The following CSMD1 variants were observed in gnomAD, a reference collection of about 807,000 sequenced individuals.
CSMD1 encodes CUB and Sushi multiple domains 1.
CSMD1 carries 213 observed loss-of-function variants against 417.5 expected under a neutral mutation model. The observed-to-expected ratio is 0.51, with a 90% CI of 0.46 to 0.57. The LOEUF (loss-of-function observed/expected upper bound fraction) is 0.57, where lower values mean the gene tolerates loss of function less well. Ranked by LOEUF, CSMD1 falls within the 20% of genes least tolerant of loss-of-function variation. The pLI, the probability that CSMD1 is intolerant of heterozygous loss-of-function variation, is 0.00. For missense variants in CSMD1, 6,923 were observed against 4,529.7 expected (o/e 1.53, Z -15.17); for synonymous variants, 2,862 against 1,736.8 (o/e 1.65, Z -16.11).
chr8:3,133,135 G>A (rs575344290), intron 41 of CSMD1, among the ~76,000 whole-genome samples: 189 of 152,292 alleles, frequency 1.2e-3, no homozygotes, highest in African/African-American at 4.2e-3. Context: ...AGCGTGGGCC[G>A]GCACACAGCT....
intron 10 of CSMD1, among the ~76,000 whole-genome samples, chr8:3,531,019 ATT>A (rs34239725): frequency 1.3e-4 from 19 of 142,340 alleles, no homozygotes; most frequent in East Asian, 8.4e-4. Context: ...TGCCCAGCTA[ATT>A]TTTTTTTTTT....
rs560256938 is a variant in CSMD1 at position 4,426,833 on chromosome 8, A to G, written c.303-6768T>C. 2.0e-5 allele frequency among the ~76,000 whole-genome samples: 3 copies of G among 150,970 alleles called. No individual in the cohort carries two copies. In the Admixed American group the frequency reaches 2.0e-4, roughly 10 times the overall value. The stretch of plus-strand genomic sequence containing the variant: ...TGTAATATTACATGATACATAGTAT[A>G]CTATATTATGTACTATATTATAGCA... On this transcript the variant is annotated intron_variant, in intron 2 of 69. Transcript: ENST00000635120.
chr8:4,738,764 G>A (rs912966812), intron 1 of CSMD1, among the ~76,000 whole-genome samples: 7 of 152,068 alleles, frequency 4.6e-5, no homozygotes, highest in African/African-American at 1.7e-4. Context: ...TCTGAATACA[G>A]GATTAAGCTT....
At position 4,576,986 on chromosome 8, in the gene CSMD1, G is replaced by A. The variant is rs574862995; in HGVS notation, c.302+60356C>T. 3.0e-4 allele frequency among the ~76,000 whole-genome samples: 45 copies of A among 152,256 alleles called. No individual in the cohort carries two copies. In the South Asian group the frequency reaches 5.8e-3, roughly 20 times the overall value. On this transcript the variant is annotated intron_variant, in intron 2 of 69. Coordinates refer to ENST00000635120, the MANE Select transcript of CSMD1 (RefSeq NM_033225.6). ...AGTTTTCTAATTCGATGAACACAGTGTGATTCTATCTCCATGGTGACAGAT... is the reference window on the plus strand; with the variant it reads ...AGTTTTCTAATTCGATGAACACAGTATGATTCTATCTCCATGGTGACAGAT...
chr8:3,692,272 GCAC>G (rs1452587043), intron 7 of CSMD1, among the ~76,000 whole-genome samples: 6 of 152,008 alleles, frequency 3.9e-5, no homozygotes, highest in Non-Finnish European at 4.4e-5. Context: ...GATTTCACCA[GCAC>G]CACCACAATT....
At chr8:4,383,638 G>A (rs1305321158) in intron 3 of CSMD1, among the ~76,000 whole-genome samples, 2 of 152,136 alleles carry the variant, frequency 1.3e-5, no homozygotes, top group Admixed American at 1.3e-4. Flanking sequence ...AATCAACTAT[G>A]TACTTCAGTG....
chr8:4,033,310 C>T (rs947983274), intron 3 of CSMD1, among the ~76,000 whole-genome samples: 22 of 151,768 alleles, frequency 1.4e-4, no homozygotes, highest in Non-Finnish European at 2.8e-4. Context: ...GGCGTGGTGG[C>T]GGGCACCTGT....
At chr8:3,023,511 T>C (rs1355655430) in intron 51 of CSMD1, among the ~76,000 whole-genome samples, 4 of 152,138 alleles carry the variant, frequency 2.6e-5, no homozygotes, top group Non-Finnish European at 4.4e-5. Flanking sequence ...CTTTCTCTTA[T>C]TGTTTCTTGA....
At position 3,018,576 on chromosome 8, in the gene CSMD1, C is replaced by T. The variant is rs1487879941; in HGVS notation, c.7930G>A (p.Ala2644Thr). ...IGTLTVYGAT[A>T]IFTCNTGYTL... ...TAGCCGGTGTTGCACGTAAATATAG[C>T]TGTGGCCCCATAAACTGTCAACGTT... is the stretch of plus-strand genomic sequence containing the variant. The change falls in exon 52 of 70, where the codon GCT becomes ACT. Residue 2644 changes from alanine (A) to threonine (T), a missense_variant. Coordinates refer to ENST00000635120, the MANE Select transcript of CSMD1 (RefSeq NM_033225.6). 1 of 1,613,476 alleles carries T rather than the reference C, an allele frequency of 6.2e-7. No individual in the cohort carries two copies. Among genetic ancestry groups the T allele is most frequent in the Non-Finnish European group, 8.5e-7 (1 of 1,179,780 alleles).
intron 25 of CSMD1, 189 bp from the exon 26 acceptor site, chr8:3,284,535 G>C (rs1802999719): frequency 3.4e-6 from 2 of 592,320 alleles, no homozygotes; most frequent in Admixed American, 5.7e-5. Flanking sequence ...TGTAAATTAG[G>C]ATAAAGCACA....
chr8:3,230,071 G>T lies in CSMD1; in HGVS notation c.4314C>A (p.Phe1438Leu). 1.9e-6 allele frequency: 3 copies of T among 1,609,732 alleles called. No individual in the cohort carries two copies. The highest frequency in any genetic ancestry group is 8.5e-7 in the Non-Finnish European group (1 of 1,177,864). ...ATGTAGGAGGGTCTGGTTGCCAAAA[G>T]AACCGGTTATTCAGCTGCACACAGG... ...KITCVQLNNR[F>L]FWQPDPPTCI... The change falls in exon 27 of 70, where the codon TTC (phenylalanine) becomes TTA (leucine). Residue 1438 changes from phenylalanine (F) to leucine (L), a missense_variant. Coordinates refer to ENST00000635120, the MANE Select transcript of CSMD1 (RefSeq NM_033225.6).
At chr8:3,549,243 T>G (rs1388908612) in intron 10 of CSMD1, among the ~76,000 whole-genome samples, 2 of 152,232 alleles carry the variant, frequency 1.3e-5, no homozygotes, top group Non-Finnish European at 2.9e-5. Context: ...CTGAAAGGGT[T>G]GTGGAGACCA....
chr8:3,911,546 A>AAG (rs1554483250), intron 5 of CSMD1, among the ~76,000 whole-genome samples: 25 of 151,748 alleles, frequency 1.6e-4, no homozygotes, highest in African/African-American at 4.3e-4. Flanking sequence ...AAAAAAAAAA[A>AAG]AAGAAGAAGA....
At chr8:4,000,893 T>C (rs1256352700) in intron 4 of CSMD1, among the ~76,000 whole-genome samples, 1 of 152,088 alleles carries the variant, frequency 6.6e-6, no homozygotes, top group Admixed American at 6.5e-5. Flanking sequence ...ATGTGTGGAA[T>C]TAAAAGAAAA....
chr8:4,982,482 A>G (rs556182437), intron 1 of CSMD1, among the ~76,000 whole-genome samples: 12 of 152,276 alleles, frequency 7.9e-5, no homozygotes, highest in African/African-American at 1.9e-4. Flanking sequence ...AAGAACGGGT[A>G]TTGTCATTAA....
At chr8:4,265,108 A>T (rs965003560) in intron 3 of CSMD1, among the ~76,000 whole-genome samples, 1 of 152,156 alleles carries the variant, frequency 6.6e-6, no homozygotes, top group Non-Finnish European at 1.5e-5. Flanking sequence ...TCTTCAAATT[A>T]AGTTGAAAAA....
At chr8:3,944,846 A>C (rs867726352) in intron 5 of CSMD1, among the ~76,000 whole-genome samples, 6 of 152,174 alleles carry the variant, frequency 3.9e-5, no homozygotes, top group South Asian at 2.1e-4. Flanking sequence ...TAGTTCTATG[A>C]GTTGGCCACA....
chr8:3,517,641 C>A (rs1350338118), intron 10 of CSMD1, among the ~76,000 whole-genome samples: 1 of 152,282 alleles, frequency 6.6e-6, no homozygotes, highest in East Asian at 1.9e-4. Flanking sequence ...GGGAAAAAGG[C>A]TTTCTGAAAG....
chr8:3,225,887 A>T (rs988972343), intron 27 of CSMD1, among the ~76,000 whole-genome samples: 2 of 152,220 alleles, frequency 1.3e-5, no homozygotes, highest in Admixed American at 1.3e-4. Flanking sequence ...TAAAAAATGC[A>T]ACTCAGAGAT....
Sources: gnomAD v4.1 joint callset for allele counts (sites outside exome capture counted in the v4.1 genomes callset) on GRCh38, gnomAD v4.1.1 for gene constraint, MANE v1.5 for transcripts, NCBI Gene and HGNC (gene_info 2026-07-23, HGNC 2026-07-21) for gene names.